The following FKBP5 variants were observed in gnomAD, a reference collection of about 807,000 sequenced individuals.
FKBP5 encodes the protein peptidyl-prolyl cis-trans isomerase FKBP5.
A neutral mutation model predicts 50.5 loss-of-function variants in FKBP5; 23 were observed. The observed-to-expected ratio is 0.46, with a 90% CI of 0.33 to 0.65. FKBP5 has a LOEUF of 0.65. Ranked by LOEUF, FKBP5 falls within the 30% of genes least tolerant of loss-of-function variation. The probability of loss-of-function intolerance (pLI) is 0.02; values close to 1 mark genes in which losing one functional copy is unlikely to be tolerated. For missense variants in FKBP5, 411 were observed against 553.1 expected (o/e 0.74, Z 2.58); for synonymous variants, 176 against 190.6 (o/e 0.92, Z 0.63).
chr6:35,673,894 CA>C (rs1301394762), intron 1 of FKBP5, among the ~76,000 whole-genome samples: 10 of 152,206 alleles, frequency 6.6e-5, no homozygotes, highest in African/African-American at 2.4e-4. Flanking sequence ...AAACAGCCTT[CA>C]TCTAGTCCTG....
chr6:35,601,588 A>G (rs946882545), intron 5 of FKBP5, among the ~76,000 whole-genome samples: 1 of 152,204 alleles, frequency 6.6e-6, no homozygotes, highest in Admixed American at 6.5e-5. Context: ...AAAACAAAAC[A>G]GAACAAAAAC....
At chr6:35,688,016 T>C (rs1765882529) in intron 1 of FKBP5, among the ~76,000 whole-genome samples, 1 of 152,210 alleles carries the variant, frequency 6.6e-6, no homozygotes, top group Non-Finnish European at 1.5e-5. Flanking sequence ...CGTTTTCACG[T>C]CCCAGAACAG....
intron 6 of FKBP5, 29 bp from the exon 7 acceptor site, chr6:35,591,249 T>C: frequency 6.8e-7 from 1 of 1,477,254 alleles, no homozygotes; most frequent in Non-Finnish European, 9.4e-7. Flanking sequence ...AATAAAACTT[T>C]AAAAGGATTG....
chr6:35,693,410 G>A (rs899730142), upstream of FKBP5, among the ~76,000 whole-genome samples: 5 of 151,958 alleles, frequency 3.3e-5, no homozygotes, highest in South Asian at 2.1e-4. Flanking sequence ...TGATCCGCCC[G>A]CCTCGGCCTC....
intron 1 of FKBP5, among the ~76,000 whole-genome samples, chr6:35,679,032 G>A (rs1765597239): frequency 6.6e-6 from 1 of 152,198 alleles, no homozygotes; most frequent in South Asian, 2.1e-4. Context: ...GCAGCATGCT[G>A]TGATTTCACC....
chr6:35,673,301 G>A (rs951353093), intron 1 of FKBP5, among the ~76,000 whole-genome samples: 1 of 152,174 alleles, frequency 6.6e-6, no homozygotes, highest in Non-Finnish European at 1.5e-5. Context: ...TGTAATCCCA[G>A]CACTTTGGGA....
chr6:35,710,899 G>A (rs1766400473), intron 2 of FKBP5, among the ~76,000 whole-genome samples: 3 of 152,198 alleles, frequency 2.0e-5, no homozygotes, highest in Admixed American at 2.0e-4. Flanking sequence ...ATACAAAAGA[G>A]TATATACTGT....
intron 7 of FKBP5, among the ~76,000 whole-genome samples, chr6:35,589,110 T>TA (rs1561846500): frequency 1.9e-4 from 20 of 102,956 alleles, no homozygotes; most frequent in South Asian, 1.6e-3. Context: ...ATATATATTT[T>TA]TATATATATA....
intron 1 of FKBP5, among the ~76,000 whole-genome samples, chr6:35,673,526 G>C (rs531992064): frequency 1.3e-5 from 2 of 151,892 alleles, no homozygotes; most frequent in Non-Finnish European, 2.9e-5. Flanking sequence ...AACAGAGCAA[G>C]ACCCTGTCTC....
intron 1 of FKBP5, among the ~76,000 whole-genome samples, chr6:35,644,308 G>A (rs756283769): frequency 6.6e-6 from 1 of 152,178 alleles, no homozygotes; most frequent in Non-Finnish European, 1.5e-5. Flanking sequence ...TTACACATTA[G>A]GCTAATAACA....
rs529743699 is a variant in FKBP5, at chr6:35,700,287, A to ATTGG, written c.-20+20040_-20+20041insCCAA. Among the ~76,000 whole-genome samples, 584 of 152,182 alleles carry ATTGG rather than the reference A, an allele frequency of 3.8e-3. 2 individuals are homozygous for ATTGG. The highest frequency in any genetic ancestry group is 0.013 in the African/African-American group (558 of 41,538). On this transcript the variant is annotated intron_variant, in intron 2 of 11. Coordinates refer to the FKBP5 transcript ENST00000536438. ...GCGATTCTCCTGCCTCAGCCTCCCA[A>ATTGG]GTAGCTGGGACTACAAGCATGTGCC...
intron 2 of FKBP5, among the ~76,000 whole-genome samples, chr6:35,701,795 C>T (rs893160065): frequency 1.3e-5 from 2 of 152,098 alleles, no homozygotes; most frequent in African/African-American, 4.8e-5. Context: ...CCCACCTCAG[C>T]CTCCCAAAGT....
intron 3 of FKBP5, among the ~76,000 whole-genome samples, chr6:35,626,951 A>C (rs1421592532): frequency 6.6e-6 from 1 of 152,222 alleles, no homozygotes; most frequent in Non-Finnish European, 1.5e-5. Context: ...GTGTACAAAT[A>C]TCTCTTCAAG....
intron 5 of FKBP5, among the ~76,000 whole-genome samples, chr6:35,616,746 T>A (rs1763672653): frequency 1.3e-5 from 2 of 152,156 alleles, no homozygotes; most frequent in Non-Finnish European, 2.9e-5. Flanking sequence ...CCCTCCAGTT[T>A]AAAAATATAT....
intron 2 of FKBP5, among the ~76,000 whole-genome samples, chr6:35,642,208 C>A (rs1764513146): frequency 6.6e-6 from 1 of 151,882 alleles, no homozygotes; most frequent in Non-Finnish European, 1.5e-5. Flanking sequence ...TGGACCTGAA[C>A]CCCAGGTAAA....
At chr6:35,699,868 G>A (rs1019900569) in intron 2 of FKBP5, among the ~76,000 whole-genome samples, 2 of 152,108 alleles carry the variant, frequency 1.3e-5, no homozygotes. Context: ...TCAACATGGC[G>A]AAACCCTATC....
rs149237370 is a variant in FKBP5, at chr6:35,580,365, C to A, written c.841-144G>T. 1.2e-3 allele frequency: 867 copies of A among 698,542 alleles called. 1 individual carries two copies. The highest frequency in any genetic ancestry group is 0.01 in the African/African-American group (576 of 56,214). The allele number at this position is 698,542 out of a possible 1,614,324, so 43.3% of individuals were successfully genotyped here. On this transcript the variant is annotated intron_variant, in intron 8 of 10. Transcript: ENST00000357266. Reference sequence around the variant, plus strand: ...CCTTCTGGAGATGGCTCTCCAGGTACCTTTCCCACTCCCTTGGAGGCCTCG... The same window carrying A: ...CCTTCTGGAGATGGCTCTCCAGGTAACTTTCCCACTCCCTTGGAGGCCTCG...
At chr6:35,616,819 A>G (rs1355215719) in intron 5 of FKBP5, among the ~76,000 whole-genome samples, 1 of 152,196 alleles carries the variant, frequency 6.6e-6, no homozygotes, top group Non-Finnish European at 1.5e-5. Context: ...ACCTTTGTAC[A>G]TACATTTGAA....
intron 3 of FKBP5, among the ~76,000 whole-genome samples, chr6:35,633,971 G>A (rs371033462): frequency 3.9e-5 from 6 of 152,048 alleles, no homozygotes; most frequent in African/African-American, 1.2e-4. Context: ...ACTGAAAGTT[G>A]CCTCTTTTTT....
Sources: allele counts gnomAD v4.1 joint callset (sites outside exome capture counted in the v4.1 genomes callset), GRCh38; gene constraint gnomAD v4.1.1; transcripts MANE v1.5; gene names NCBI Gene and HGNC (gene_info 2026-07-23, HGNC 2026-07-21).